The following MRGPRE variants were observed in gnomAD, a reference collection of about 807,000 sequenced individuals.
MRGPRE encodes MAS related GPR family member E.
For missense variants in MRGPRE, 466 were observed against 433.4 expected, an observed-to-expected ratio of 1.08 and a Z score of -0.67; for synonymous variants, 229 against 206.7, an observed-to-expected ratio of 1.11 and a Z score of -0.92.
In MRGPRE at chr11:3,228,879, G is replaced by T; in HGVS notation, c.-61-19C>A. ...GATGCCCCTGTAAACCACAACAGTT[G>T]AGTCTGGGGCTCAGGAATCCATGCC... On this transcript the variant is annotated intron_variant, in intron 1 of 1. Coordinates refer to ENST00000389832, the MANE Select transcript of MRGPRE (RefSeq NM_001039165.4). 8.4e-7 allele frequency: 1 copy of T among 1,188,046 alleles called. No individual in the cohort carries two copies. The highest frequency in any genetic ancestry group is 1.5e-5 in the South Asian group (1 of 66,108). 73.6% of individuals were successfully genotyped at this position (1,188,046 alleles called of 1,614,324 possible).
rs76136953 is a variant in MRGPRE, at chr11:3,228,187, G to T, written c.613C>A (p.Arg205=). 2,614 of 1,562,326 alleles carry T rather than the reference G, an allele frequency of 1.7e-3. 35 individuals are homozygous for T. In the African/African-American group the frequency reaches 0.032, roughly 19 times the overall value. The change falls in exon 2 of 2, where the codon CGA becomes AGA. Residue 205 remains arginine (R), a synonymous_variant. Transcript: ENST00000389832. ...ASLMLLLRVE[R]GPQRPPPRGF... is the part of the protein sequence containing the mutation. ...CGGGGTGGGGGCCGCTGGGGGCCTC[G>T]CTCCACCCGCAGCAGCAGCATAAGG...
At position 3,226,757 on chromosome 11, in the gene MRGPRE, T is replaced by C. The variant is rs1390828697; in HGVS notation, c.*1104A>G. Among the ~76,000 whole-genome samples the C allele has an allele frequency of 1.3e-5, 2 of 152,250 alleles. No individual in the cohort carries two copies. The highest frequency in any genetic ancestry group is 2.4e-5 in the African/African-American group (1 of 41,472). ...CTTGGATGTGTGGCGTTGGTGGCAG[T>C]AGAATCGACAGACATTTCTCTTGGG... On this transcript the variant is annotated 3_prime_UTR_variant, in exon 2 of 2. Transcript: ENST00000389832.
chr11:3,229,932 C>T lies in MRGPRE; in HGVS notation c.-61-1072G>A, dbSNP rs1453640144. 1.3e-5 allele frequency among the ~76,000 whole-genome samples: 2 copies of T among 152,208 alleles called. No homozygotes were observed. On this transcript the variant is annotated intron_variant, in intron 1 of 1. Coordinates refer to ENST00000389832, the MANE Select transcript of MRGPRE (RefSeq NM_001039165.4). This position sits in a 1 kb window ranked among gnomAD's most constrained non-coding sequence, Gnocchi z 4.4. Reference sequence around the variant, plus strand: ...GTCTCCAGCCTCCCTCCATCCCCTCCCAAGGCAGTCGGCTCACGGGGACAG... The same window carrying T: ...GTCTCCAGCCTCCCTCCATCCCCTCTCAAGGCAGTCGGCTCACGGGGACAG...
rs371227868 is a variant in MRGPRE, at chr11:3,227,042, T to C, written c.*819A>G. Among the ~76,000 whole-genome samples the C allele has an allele frequency of 9.2e-5, 14 of 152,176 alleles. No homozygotes were observed. Among genetic ancestry groups the C allele is most frequent in the African/African-American group, 3.4e-4 (14 of 41,442 alleles). On this transcript the variant is annotated 3_prime_UTR_variant, in exon 2 of 2. Transcript: ENST00000389832. The stretch of plus-strand genomic sequence containing the variant: ...CTGGGTTCCTTCCTCAGAGGGATCC[T>C]CTGGAGCGGGACTTGCTCAGGACAG...
At position 3,225,575 on chromosome 11, in the gene MRGPRE, C is replaced by A. The variant is rs368047924; in HGVS notation, c.*2286G>T. Among the ~76,000 whole-genome samples, 8 of 152,128 alleles carry A rather than the reference C, an allele frequency of 5.3e-5. No individual in the cohort carries two copies. The highest frequency in any genetic ancestry group is 1.9e-4 in the African/African-American group (8 of 41,434). ...CAGGCTGGGCAGGGGCAGGTGGGAG[C>A]CTGGACGGAAGCTCAGCCTCCAGTT... On this transcript the variant is annotated 3_prime_UTR_variant, in exon 2 of 2. Coordinates refer to ENST00000389832, the MANE Select transcript of MRGPRE (RefSeq NM_001039165.4).
chr11:3,228,894 G>GAATCCAT, intron 1 of MRGPRE, 34 bp from the exon 2 acceptor site: 1 of 1,009,832 alleles, frequency 9.9e-7, no homozygotes, highest in Non-Finnish European at 1.4e-6. Flanking sequence ...TGGGGCTCAG[G>GAATCCAT]AATCCATGCC....
chr11:3,228,086 C>T lies in MRGPRE; in HGVS notation c.714G>A (p.Leu238=), dbSNP rs1458447427. The stretch of plus-strand genomic sequence containing the variant: ...GGATGTACCAGAGCAGGTTCCGGGA[C>T]AGCCAGTAGATGCCGAAGGGCAGGC... The part of the protein sequence containing the change: ...FCGLPFGIYW[L]SRNLLWYIPH... The change falls in exon 2 of 2, where the codon CTG becomes CTA. Residue 238 remains leucine, a synonymous_variant. Coordinates refer to ENST00000389832, the MANE Select transcript of MRGPRE (RefSeq NM_001039165.4). 6.2e-7 allele frequency: 1 copy of T among 1,605,216 alleles called. No homozygotes were observed. The highest frequency in any genetic ancestry group is 1.7e-5 in the Admixed American group (1 of 58,372).
rs552852632 is a variant in MRGPRE, at chr11:3,225,188, G to A, written c.*2673C>T. The stretch of plus-strand genomic sequence containing the variant: ...TGGGGAGGGGATAGGGAAGCTGGCC[G>A]CAGGCCTGTCTCCGCTCCTGTCCTC... On this transcript the variant is annotated 3_prime_UTR_variant, in exon 2 of 2. Transcript: ENST00000389832. Among the ~76,000 whole-genome samples, 17 of 152,340 alleles carry A rather than the reference G, an allele frequency of 1.1e-4. No individual in the cohort carries two copies. Among genetic ancestry groups the A allele is most frequent in the African/African-American group, 1.7e-4 (7 of 41,572 alleles).
rs374299149 is a variant in MRGPRE, at chr11:3,228,698, G to A, written c.102C>T (p.Leu34=). Residue 34 remains leucine, a synonymous_variant, in exon 2 of 2, where the codon CTC becomes CTT. Transcript: ENST00000389832. ...NLIILSLTEG[L]GLGGLLGNGA... ...CATTCCCCAGCAGCCCACCGAGGCC[G>A]AGCCCCTCGGTGAGGGACAGGATGA... 2.0e-4 allele frequency: 327 copies of A among 1,613,840 alleles called. No homozygotes were observed. The highest frequency in any genetic ancestry group is 2.4e-4 in the Non-Finnish European group (289 of 1,179,984).
rs1847808974 is a variant in MRGPRE at position 3,229,683 on chromosome 11, C to T, written c.-61-823G>A. ...TGTTTGCCAGTGGGCTCCCAGTCCCCAGCCCTCCAGCTTGGTCACACCATG... is the reference window on the plus strand; with the variant it reads ...TGTTTGCCAGTGGGCTCCCAGTCCCTAGCCCTCCAGCTTGGTCACACCATG... On this transcript the variant is annotated intron_variant, in intron 1 of 1. Coordinates refer to ENST00000389832, the MANE Select transcript of MRGPRE (RefSeq NM_001039165.4). This position sits in a 1 kb window ranked among gnomAD's most constrained non-coding sequence, Gnocchi z 4.4. 6.6e-6 allele frequency among the ~76,000 whole-genome samples: 1 copy of T among 152,174 alleles called. No homozygotes were observed. The highest frequency in any genetic ancestry group is 2.4e-5 in the African/African-American group (1 of 41,446).
Position 3,228,188 on chromosome 11 carries a change from C to A in MRGPRE, c.612G>T (p.Glu204Asp). The change falls in exon 2 of 2, where the codon GAG becomes GAT. Residue 204 changes from glutamate (E) to aspartate (D), a missense_variant. Transcript: ENST00000389832. Reference sequence around the variant, plus strand: ...GGGGTGGGGGCCGCTGGGGGCCTCGCTCCACCCGCAGCAGCAGCATAAGGC... The same window carrying A: ...GGGGTGGGGGCCGCTGGGGGCCTCGATCCACCCGCAGCAGCAGCATAAGGC... The part of the protein sequence containing the change: ...GASLMLLLRV[E>D]RGPQRPPPRG... 2 of 1,562,632 alleles carry A rather than the reference C, an allele frequency of 1.3e-6. No individual in the cohort carries two copies. The highest frequency in any genetic ancestry group is 1.7e-6 in the Non-Finnish European group (2 of 1,153,744).
chr11:3,228,555 G>A lies in MRGPRE; in HGVS notation c.245C>T (p.Pro82Leu). ...FLGCHMVAIVPDLLQGRLDFP... is the reference protein window; with the variant it reads ...FLGCHMVAIVLDLLQGRLDFP... ...GTCCAGCCGGCCTTGCAGCAAGTCG[G>A]GGACGATGGCCACCATGTGGCAGCC... is the stretch of plus-strand genomic sequence containing the variant. The change falls in exon 2 of 2, where the codon CCC becomes CTC. Residue 82 changes from proline to leucine, a missense_variant. By Grantham distance (98) the Pro-to-Leu change is moderately conservative (BLOSUM62 -3). Transcript: ENST00000389832. 1.9e-6 allele frequency: 3 copies of A among 1,613,686 alleles called. No individual in the cohort carries two copies. The highest frequency in any genetic ancestry group is 2.5e-6 in the Non-Finnish European group (3 of 1,179,780).
rs887344009 is a variant in MRGPRE, at chr11:3,228,788, G to A, written c.12C>T (p.Pro4=). 6.8e-6 allele frequency: 11 copies of A among 1,605,870 alleles called. No homozygotes were observed. Among genetic ancestry groups the A allele is most frequent in the Non-Finnish European group, 9.4e-6 (11 of 1,174,812 alleles). The change falls in exon 2 of 2, where the codon CCC becomes CCT. Residue 4 remains proline, a synonymous_variant. Transcript: ENST00000389832. MME[P]REAGQHVGAA... is the part of the protein sequence containing the mutation. ...CCCCCACGTGCTGTCCAGCTTCTCT[G>A]GGCTCCATCATGGGGCGGGGGGCCA...
Position 3,229,212 on chromosome 11 carries a change from CTTTTTTTTT to C in MRGPRE, c.-61-361_-61-353del, listed in dbSNP as rs60799467. Among the ~76,000 whole-genome samples the C allele has an allele frequency of 7.9e-5, 10 of 126,694 alleles. No homozygotes were observed. The highest frequency in any genetic ancestry group is 2.3e-4 in the East Asian group (1 of 4,282). 83.1% of individuals were successfully genotyped at this position (126,694 alleles called of 152,430 possible). On this transcript the variant is annotated intron_variant, in intron 1 of 1. Coordinates refer to ENST00000389832, the MANE Select transcript of MRGPRE (RefSeq NM_001039165.4). The surrounding 1 kb of genome is among the most constrained non-coding windows in gnomAD (Gnocchi z 4.4). ...GTGGTGCCTTGATCCTCAGAATGGG[CTTTTTTTTT>C]TTTTTTTTTTTTTTTTTTTTGGAGA...
In MRGPRE at chr11:3,231,152, C is replaced by T. The variant is rs533750649; in HGVS notation, c.-62+989G>A. On this transcript the variant is annotated intron_variant, in intron 1 of 1. Coordinates refer to ENST00000389832, the MANE Select transcript of MRGPRE (RefSeq NM_001039165.4). This position sits in a 1 kb window ranked among gnomAD's most constrained non-coding sequence, Gnocchi z 4.7. ...TGGGGTTTCTCCAGCCTGTGGCCCA[C>T]CAAGGGCCATGGTCCCTCTCCTATC... Among the ~76,000 whole-genome samples the T allele has an allele frequency of 6.6e-5, 10 of 152,232 alleles. No individual in the cohort carries two copies. The highest frequency in any genetic ancestry group is 2.1e-4 in the South Asian group (1 of 4,822).
At position 3,229,212 on chromosome 11, in the gene MRGPRE, CTTTTTTTTTTT is replaced by C. The variant is rs60799467; in HGVS notation, c.-61-363_-61-353del. On this transcript the variant is annotated intron_variant, in intron 1 of 1. Transcript: ENST00000389832. This position sits in a 1 kb window ranked among gnomAD's most constrained non-coding sequence, Gnocchi z 4.4. ...GTGGTGCCTTGATCCTCAGAATGGG[CTTTTTTTTTTT>C]TTTTTTTTTTTTTTTTTTGGAGATG... 3.2e-5 allele frequency among the ~76,000 whole-genome samples: 4 copies of C among 126,656 alleles called. No homozygotes were observed. The highest frequency in any genetic ancestry group is 8.0e-5 in the Admixed American group (1 of 12,492). The allele number at this position is 126,656 out of a possible 152,430, so 83.1% of individuals were successfully genotyped here. A position where few individuals can be genotyped will look rare whatever the true frequency, so the allele number is the denominator to read the frequency against.
rs1456288038 is a variant in MRGPRE, at chr11:3,226,694, C to T, written c.*1167G>A. On this transcript the variant is annotated 3_prime_UTR_variant, in exon 2 of 2. Transcript: ENST00000389832. ...AGTCAGAAATCAAAGAAAACACTCT[C>T]AGATGCCTTGGTCTGTGGCTAAGAA... Among the ~76,000 whole-genome samples, 1 of 152,232 alleles carries T rather than the reference C, an allele frequency of 6.6e-6. No individual in the cohort carries two copies. The highest frequency in any genetic ancestry group is 1.5e-5 in the Non-Finnish European group (1 of 68,040).
chr11:3,228,627 A>G lies in MRGPRE; in HGVS notation c.173T>C (p.Phe58Ser). The change falls in exon 2 of 2, where the codon TTC (phenylalanine) becomes TCC (serine). Residue 58 changes from phenylalanine (F) to serine (S), a missense_variant. By Grantham distance (155) the Phe-to-Ser change is radical. Transcript: ENST00000389832. Reference protein sequence around the residue: ...LLSSNVYRNPFAIYLLDVACA... With the variant: ...LLSSNVYRNPSAIYLLDVACA... ...GGCCACGTCCAGGAGGTAGATGGCG[A>G]AGGGGTTTCTGTAGACATTGGAGCT... 1 of 1,614,046 alleles carries G rather than the reference A, an allele frequency of 6.2e-7. No homozygotes were observed. The highest frequency in any genetic ancestry group is 8.5e-7 in the Non-Finnish European group (1 of 1,180,002).
Position 3,225,130 on chromosome 11 carries a change from C to T in MRGPRE, c.*2731G>A, listed in dbSNP as rs1334894888. Reference sequence around the variant, plus strand: ...CTCTCCCCGTGAAGACGCCATGCAGCGCAGGCTGATTTACAGACTCGTACC... The same window carrying T: ...CTCTCCCCGTGAAGACGCCATGCAGTGCAGGCTGATTTACAGACTCGTACC... On this transcript the variant is annotated 3_prime_UTR_variant, in exon 2 of 2. Transcript: ENST00000389832. Among the ~76,000 whole-genome samples, 1 of 152,268 alleles carries T rather than the reference C, an allele frequency of 6.6e-6. No individual in the cohort carries two copies. Among genetic ancestry groups the T allele is most frequent in the Non-Finnish European group, 1.5e-5 (1 of 68,052 alleles).
Sources: gnomAD v4.1 joint callset for allele counts (sites outside exome capture counted in the v4.1 genomes callset) on GRCh38, gnomAD v4.1.1 for gene constraint, Gnocchi (gnomAD v3.1) non-coding constraint, MANE v1.5 for transcripts, NCBI Gene and HGNC (gene_info 2026-07-23, HGNC 2026-07-21) for gene names.